Variants in SAP30BP observed in about 807,000 individuals in gnomAD.
SAP30BP encodes the protein SAP30-binding protein.
Under a neutral mutation model 46.3 loss-of-function variants are expected in SAP30BP, and 31 were observed. The ratio of observed to expected loss-of-function variants is 0.67; its 90% CI spans 0.50 to 0.90. SAP30BP has a LOEUF of 0.90. Ranked by LOEUF, SAP30BP falls within the 40% of genes least tolerant of loss-of-function variation. SAP30BP has a pLI of 0.00. For missense variants in SAP30BP, 312 were observed against 391.0 expected (o/e 0.80, Z 1.70); for synonymous variants, 169 against 144.2 (o/e 1.17, Z -1.23).
intron 5 of SAP30BP, chr17:75,700,335 C>A (rs2148416565): frequency 6.5e-6 from 1 of 152,750 alleles, no homozygotes; most frequent in Non-Finnish European, 1.5e-5. Flanking sequence ...TCTTCCCTGA[C>A]AGAATGTGCA....
intron 4 of SAP30BP, among the ~76,000 whole-genome samples, chr17:75,699,523 C>A (rs1053211748): frequency 6.8e-6 from 1 of 148,000 alleles, no homozygotes; most frequent in South Asian, 2.1e-4. Flanking sequence ...AAAAAAAAAA[C>A]GGAAAAGTTA....
chr17:75,687,917 G>GGGCT (rs557349211), intron 3 of SAP30BP, among the ~76,000 whole-genome samples: 1 of 120,260 alleles, frequency 8.3e-6, no homozygotes, highest in South Asian at 2.8e-4. Flanking sequence ...CAGTGTTTGG[G>GGGCT]GTGTGTGTGT....
chr17:75,699,747 C>G (rs2060378647), intron 4 of SAP30BP, 36 bp from the exon 5 acceptor site: 2 of 1,447,658 alleles, frequency 1.4e-6, no homozygotes, highest in Non-Finnish European at 1.9e-6. Flanking sequence ...TTGTTCTAAT[C>G]CCCACCTACA....
intron 3 of SAP30BP, among the ~76,000 whole-genome samples, chr17:75,687,309 C>T (rs1031476563): frequency 6.6e-6 from 1 of 152,026 alleles, no homozygotes; most frequent in African/African-American, 2.4e-5. Flanking sequence ...GAGCATTAGG[C>T]CCAGTGTTCG....
intron 3 of SAP30BP, among the ~76,000 whole-genome samples, chr17:75,682,894 C>T (rs930928321): frequency 7.9e-5 from 11 of 139,622 alleles, no homozygotes; most frequent in African/African-American, 2.4e-4. Flanking sequence ...AGCAGGGAGT[C>T]GGAGGTTGCG....
At chr17:75,672,228 G>A (rs113093255) in intron 3 of SAP30BP, 11 of 236,026 alleles carry the variant, frequency 4.7e-5, no homozygotes, top group Non-Finnish European at 6.9e-5. Context: ...GGGCCGCCTC[G>A]CGTGCTTTGG....
At chr17:75,705,119 G>A (rs1279378112) in intron 9 of SAP30BP, 1 of 384,782 alleles carries the variant, frequency 2.6e-6, no homozygotes, top group Non-Finnish European at 5.0e-6. Context: ...AGCCTGAAGG[G>A]AGGGAAATAG....
Position 75,667,703 on chromosome 17 carries a change from C to T in SAP30BP, c.106+225C>T, listed in dbSNP as rs2059817496. On this transcript the variant is annotated intron_variant, in intron 1 of 10. Coordinates refer to ENST00000584667, the MANE Select transcript of SAP30BP (RefSeq NM_013260.8). ...TTTGCCTAAACTTACTGAAAGACTC[C>T]GTGCCGGCTATAGTGATAGACAGAG... is the stretch of plus-strand genomic sequence containing the variant. Among the ~76,000 whole-genome samples, 3 of 152,198 alleles carry T rather than the reference C, an allele frequency of 2.0e-5. No homozygotes were observed. In the South Asian group the frequency reaches 6.2e-4, roughly 32 times the overall value.
At chr17:75,682,236 G>A (rs1205887533) in intron 3 of SAP30BP, among the ~76,000 whole-genome samples, 3 of 151,332 alleles carry the variant, frequency 2.0e-5, no homozygotes, top group Non-Finnish European at 4.4e-5. Context: ...CCAGGCTGGA[G>A]TGCAGTGGCG....
intron 3 of SAP30BP, among the ~76,000 whole-genome samples, chr17:75,683,084 G>A (rs1362745672): frequency 6.6e-5 from 9 of 137,152 alleles, no homozygotes; most frequent in East Asian, 2.2e-4. Flanking sequence ...TCACTCTGTC[G>A]CCCAGGCTGG....
chr17:75,683,229 T>C (rs541474706), intron 3 of SAP30BP, among the ~76,000 whole-genome samples: 26 of 151,198 alleles, frequency 1.7e-4, no homozygotes, highest in African/African-American at 6.3e-4. Context: ...TTTTTTTTAG[T>C]AGAGCTGGGA....
At chr17:75,697,172 A>C (rs1477858139) in intron 4 of SAP30BP, among the ~76,000 whole-genome samples, 1 of 152,238 alleles carries the variant, frequency 6.6e-6, no homozygotes, top group Non-Finnish European at 1.5e-5. Context: ...CTTTCCTGGC[A>C]AATGCCAAAG....
intron 3 of SAP30BP, chr17:75,692,196 T>A (rs967261407): frequency 1.0e-6 from 1 of 985,136 alleles, no homozygotes; most frequent in Admixed American, 6.1e-5. Flanking sequence ...AGGAGGGACT[T>A]TCTGGAAAGG....
At chr17:75,673,544 G>C (rs1381142824) in intron 3 of SAP30BP, among the ~76,000 whole-genome samples, 1 of 152,206 alleles carries the variant, frequency 6.6e-6, no homozygotes, top group African/African-American at 2.4e-5. Context: ...GTCTTTCTGG[G>C]TACAGTTGCA....
intron 4 of SAP30BP, among the ~76,000 whole-genome samples, chr17:75,698,997 G>A (rs2060364049): frequency 6.6e-6 from 1 of 152,134 alleles, no homozygotes; most frequent in African/African-American, 2.4e-5. Flanking sequence ...TTCAAGACCA[G>A]CCTGGGCAAC....
At chr17:75,702,967 A>T (rs1055549670) in intron 6 of SAP30BP, 15 of 372,424 alleles carry the variant, frequency 4.0e-5, no homozygotes, top group Admixed American at 2.9e-4. Flanking sequence ...TTAGGACCAG[A>T]GCGATGTCTG....
chr17:75,677,786 G>A (rs180779849), intron 3 of SAP30BP, among the ~76,000 whole-genome samples: 6 of 142,028 alleles, frequency 4.2e-5, no homozygotes, highest in Admixed American at 1.5e-4. Context: ...TAAATCAAAC[G>A]GCTACAGTTT....
At chr17:75,671,305 G>A (rs898355262) in intron 2 of SAP30BP, among the ~76,000 whole-genome samples, 10 of 152,178 alleles carry the variant, frequency 6.6e-5, no homozygotes, top group Admixed American at 3.9e-4. Flanking sequence ...TGCAAATGCC[G>A]GTTGAGGTGC....
In SAP30BP at chr17:75,703,348, G is replaced by A. The variant is rs867340840; in HGVS notation, c.526G>A (p.Glu176Lys). Residue 176 changes from glutamate to lysine, a missense_variant, in exon 7 of 11, where the codon GAG becomes AAG. Physicochemically the swap from Glu to Lys is moderately conservative, Grantham distance 56. Around this residue, in one of 2 missense-constraint regions of SAP30BP, gnomAD observed 296 missense variants for 346.6 expected, o/e 0.85. Coordinates refer to ENST00000584667, the MANE Select transcript of SAP30BP (RefSeq NM_013260.8). The part of the protein sequence containing the change: ...EKLIQFCAID[E>K]LGTNYPKDMF... ...GCTGATCCAGTTCTGTGCCATTGAC[G>A]AGCTTGGCACCAACTACCCAAAGGT... The A allele has an allele frequency of 6.2e-7, 1 of 1,614,118 alleles. No homozygotes were observed.
Sources: allele counts gnomAD v4.1 joint callset (sites outside exome capture counted in the v4.1 genomes callset), GRCh38; gene constraint gnomAD v4.1.1; regional missense constraint gnomAD v4.1.1; transcripts MANE v1.5; gene names NCBI Gene and HGNC (gene_info 2026-07-23, HGNC 2026-07-21).